ADAMTS18: variants seen among roughly 807,000 people sequenced by gnomAD.
The protein encoded by ADAMTS18 is ADAM metallopeptidase with thrombospondin type 1 motif 18.
Under a neutral mutation model 165.9 loss-of-function variants are expected in ADAMTS18, and 157 were observed. The observed-to-expected ratio is 0.95, with a 90% CI of 0.83 to 1.08. The LOEUF (loss-of-function observed/expected upper bound fraction) is 1.08. Ranked by LOEUF, ADAMTS18 falls within the 50% of genes least tolerant of loss-of-function variation. The pLI is 0.00. For missense variants in ADAMTS18, 2,040 were observed against 1,534.0 expected (o/e 1.33, Z -5.51); for synonymous variants, 782 against 578.2 (o/e 1.35, Z -5.06).
At chr16:77,324,631 G>T (rs531994539) in intron 13 of ADAMTS18, among the ~76,000 whole-genome samples, 21 of 152,162 alleles carry the variant, frequency 1.4e-4, no homozygotes, top group Admixed American at 1.2e-3. Context: ...GAATAAAACG[G>T]GGTAAAGGGT....
chr16:77,316,686 T>G (rs565067008), intron 16 of ADAMTS18, among the ~76,000 whole-genome samples: 1 of 152,122 alleles, frequency 6.6e-6, no homozygotes, highest in South Asian at 2.1e-4. Flanking sequence ...TATTTATTTA[T>G]TTGGAGAGAG....
chr16:77,413,430 T>C (rs545450648), intron 3 of ADAMTS18, among the ~76,000 whole-genome samples: 2 of 152,300 alleles, frequency 1.3e-5, no homozygotes, highest in South Asian at 2.1e-4. Context: ...AGTGCTAGCA[T>C]TGCCACCAGC....
chr16:77,286,084 C>A (rs1447816852), intron 22 of ADAMTS18, among the ~76,000 whole-genome samples: 1 of 152,142 alleles, frequency 6.6e-6, no homozygotes, highest in Non-Finnish European at 1.5e-5. Flanking sequence ...TCATGTATTG[C>A]TTAACCACTC....
chr16:77,372,305 A>G (rs1054790492), intron 3 of ADAMTS18, among the ~76,000 whole-genome samples: 3 of 152,220 alleles, frequency 2.0e-5, no homozygotes, highest in African/African-American at 7.2e-5. Context: ...TGTTGAAGAG[A>G]TATCTGCACT....
In ADAMTS18 at chr16:77,434,732, C is replaced by T. The variant is rs1047516748; in HGVS notation, c.-37G>A. 1.4e-6 allele frequency: 2 copies of T among 1,402,148 alleles called. No homozygotes were observed. The highest frequency in any genetic ancestry group is 2.9e-5 in the Admixed American group (1 of 34,964). 86.9% of individuals were successfully genotyped at this position (1,402,148 alleles called of 1,614,324 possible). ...GACGCGGCGGCTGCGGGTGGCCAGA[C>T]GCGGCAGGCGGAGCGCACGGGCGGC... On this transcript the variant is annotated 5_prime_UTR_variant, in exon 1 of 23. Transcript: ENST00000282849.
intron 3 of ADAMTS18, among the ~76,000 whole-genome samples, chr16:77,373,973 C>G (rs542316128): frequency 3.3e-5 from 5 of 152,218 alleles, no homozygotes; most frequent in African/African-American, 9.6e-5. Flanking sequence ...AATCCCAGCA[C>G]TTCAGGAGGC....
In ADAMTS18 at chr16:77,341,811, A is replaced by G; in HGVS notation, c.1615-12T>C. The G allele has an allele frequency of 6.3e-7, 1 of 1,596,462 alleles. No homozygotes were observed. Among genetic ancestry groups the G allele is most frequent in the Non-Finnish European group, 8.6e-7 (1 of 1,166,526 alleles). ...GATTTGCAAATATCCTGAAATAAAA[A>G]AAAAGGGGGGTGCTGTTAATGGTGA... On this transcript the variant is annotated splice_polypyrimidine_tract_variant and intron_variant, in intron 10 of 22. Coordinates refer to ENST00000282849, the MANE Select transcript of ADAMTS18 (RefSeq NM_199355.4).
At chr16:77,398,949 T>A (rs1351332647) in intron 3 of ADAMTS18, among the ~76,000 whole-genome samples, 1 of 152,010 alleles carries the variant, frequency 6.6e-6, no homozygotes, top group Non-Finnish European at 1.5e-5. Context: ...ATGTTGAAAA[T>A]ACAAAAAATA....
chr16:77,330,153 A>G (rs2056164473), intron 12 of ADAMTS18, among the ~76,000 whole-genome samples: 1 of 152,188 alleles, frequency 6.6e-6, no homozygotes, highest in Admixed American at 6.6e-5. Context: ...GTGGGAAAAT[A>G]CACCACCAAT....
At position 77,335,884 on chromosome 16, in the gene ADAMTS18, G is replaced by A. The variant is rs148319220; in HGVS notation, c.1731C>T (p.Cys577=). Residue 577 remains cysteine (C), a synonymous_variant, in exon 12 of 23, where the codon TGC becomes TGT. Coordinates refer to ENST00000282849, the MANE Select transcript of ADAMTS18 (RefSeq NM_199355.4). The part of the protein sequence containing the change: ...GLSMWCRQGQ[C]VKFGELGPRP... The stretch of plus-strand genomic sequence containing the variant: ...GGGGCCCGAGCTCCCCAAACTTTAC[G>A]CACTGGCCTTGCCGACACCACTGTG... The A allele has an allele frequency of 1.5e-5, 25 of 1,614,090 alleles. No homozygotes were observed. Among genetic ancestry groups the A allele is most frequent in the African/African-American group, 4.0e-5 (3 of 74,938 alleles).
chr16:77,396,484 T>C (rs748024916), intron 3 of ADAMTS18, among the ~76,000 whole-genome samples: 10 of 152,348 alleles, frequency 6.6e-5, no homozygotes, highest in South Asian at 2.1e-4. Context: ...ATGAGTAGTA[T>C]AATTTTTGAA....
chr16:77,400,812 T>G (rs890931014), intron 3 of ADAMTS18, among the ~76,000 whole-genome samples: 4 of 152,180 alleles, frequency 2.6e-5, no homozygotes, highest in African/African-American at 9.6e-5. Flanking sequence ...TAACTCACAG[T>G]GCCCTCAGAA....
At chr16:77,296,788 C>T (rs1452902548) in intron 18 of ADAMTS18, among the ~76,000 whole-genome samples, 1 of 152,104 alleles carries the variant, frequency 6.6e-6, no homozygotes. Context: ...CCACTGTACT[C>T]CAGCCTGGGC....
At chr16:77,400,074 T>A (rs934274208) in intron 3 of ADAMTS18, among the ~76,000 whole-genome samples, 1 of 152,110 alleles carries the variant, frequency 6.6e-6, no homozygotes, top group African/African-American at 2.4e-5. Context: ...TCAAATAAGC[T>A]AATACAATTT....
At chr16:77,338,598 T>C (rs190578250) in intron 11 of ADAMTS18, among the ~76,000 whole-genome samples, 1 of 152,082 alleles carries the variant, frequency 6.6e-6, no homozygotes, top group East Asian at 2.0e-4. Flanking sequence ...ACTTAGGCCA[T>C]TATCTTTTTA....
chr16:77,395,453 G>A (rs997770974), intron 3 of ADAMTS18, among the ~76,000 whole-genome samples: 9 of 152,106 alleles, frequency 5.9e-5, no homozygotes, highest in Non-Finnish European at 1.0e-4. Context: ...CCTCCACTGG[G>A]GCTGCTGGTG....
At chr16:77,375,794 G>A (rs943908845) in intron 3 of ADAMTS18, among the ~76,000 whole-genome samples, 2 of 152,078 alleles carry the variant, frequency 1.3e-5, no homozygotes, top group South Asian at 4.1e-4. Context: ...GTTTTCACAG[G>A]CTGTACAAGA....
chr16:77,292,055 C>T (rs1017462043), intron 20 of ADAMTS18, among the ~76,000 whole-genome samples: 1 of 152,158 alleles, frequency 6.6e-6, no homozygotes, highest in African/African-American at 2.4e-5. Context: ...CCTGTAATCA[C>T]AGCAGTTTGG....
At chr16:77,399,877 A>G (rs1403881197) in intron 3 of ADAMTS18, among the ~76,000 whole-genome samples, 4 of 152,178 alleles carry the variant, frequency 2.6e-5, no homozygotes, top group African/African-American at 7.2e-5. Flanking sequence ...AATAGTCTCT[A>G]GTATAAACTA....
Sources: allele counts gnomAD v4.1 joint callset (sites outside exome capture counted in the v4.1 genomes callset), GRCh38; gene constraint gnomAD v4.1.1; transcripts MANE v1.5; gene names NCBI Gene and HGNC (gene_info 2026-07-23, HGNC 2026-07-21).